The following ENOX1 variants were observed in gnomAD, a reference collection of about 807,000 sequenced individuals.
ENOX1 encodes the protein ecto-NOX disulfide-thiol exchanger 1, also known as candidate growth-related and time keeping constitutive hydroquinone (NADH) oxidase.
ENOX1 carries 42 observed loss-of-function variants against 82.5 expected under a neutral mutation model. The observed-to-expected ratio is 0.51, with a 90% CI of 0.40 to 0.66. The LOEUF (loss-of-function observed/expected upper bound fraction) is 0.66, where lower values mean the gene tolerates loss of function less well. Among genes scored for constraint, ENOX1 ranks in the 30% least tolerant of loss-of-function variants. The pLI is 0.00. For missense variants in ENOX1, 608 were observed against 811.6 expected (o/e 0.75, Z 3.05); for synonymous variants, 271 against 282.2 (o/e 0.96, Z 0.40).
At chr13:43,225,977 T>TGGTA (rs2042005716) in intron 15 of ENOX1, among the ~76,000 whole-genome samples, 1 of 152,196 alleles carries the variant, frequency 6.6e-6, no homozygotes, top group South Asian at 2.1e-4. Context: ...ATAATGGCAA[T>TGGTA]GGTAGAAGGC....
intron 1 of ENOX1, among the ~76,000 whole-genome samples, chr13:43,765,422 G>A (rs1023746785): frequency 1.3e-5 from 2 of 152,126 alleles, no homozygotes; most frequent in Admixed American, 1.3e-4. Flanking sequence ...CACCTGGAGA[G>A]CCCCTTGGAG....
chr13:43,641,590 C>T (rs1013148432), intron 2 of ENOX1, among the ~76,000 whole-genome samples: 6 of 114,316 alleles, frequency 5.2e-5, no homozygotes, highest in Non-Finnish European at 8.1e-5. Context: ...GGCTGGAGTG[C>T]AGTGGCGCCA....
At chr13:43,416,888 G>A (rs1298681422) in intron 3 of ENOX1, among the ~76,000 whole-genome samples, 3 of 152,182 alleles carry the variant, frequency 2.0e-5, no homozygotes, top group African/African-American at 2.4e-5. Flanking sequence ...GTAGCAAGCC[G>A]AGATCACGCC....
At chr13:43,420,184 G>C (rs1299172790) in intron 3 of ENOX1, among the ~76,000 whole-genome samples, 18 of 152,160 alleles carry the variant, frequency 1.2e-4, no homozygotes. Flanking sequence ...CGAGGTTATG[G>C]AAATGTTCCA....
chr13:43,280,766 C>T (rs906611187), intron 12 of ENOX1, among the ~76,000 whole-genome samples: 1 of 152,160 alleles, frequency 6.6e-6, no homozygotes, highest in Admixed American at 6.5e-5. Flanking sequence ...TACAAGTAAA[C>T]ATTTTTACAA....
chr13:43,706,702 G>C (rs1219995477), intron 1 of ENOX1, among the ~76,000 whole-genome samples: 2 of 67,826 alleles, frequency 2.9e-5, no homozygotes. Flanking sequence ...TTGAGCACAT[G>C]ATCAAGAAAG....
intron 1 of ENOX1, among the ~76,000 whole-genome samples, chr13:43,699,085 C>T (rs2086784107): frequency 6.6e-6 from 1 of 152,162 alleles, no homozygotes; most frequent in Non-Finnish European, 1.5e-5. Context: ...GGGACAAACA[C>T]TGCAAACCTT....
At chr13:43,589,056 T>C (rs2153723953) in intron 2 of ENOX1, among the ~76,000 whole-genome samples, 1 of 151,626 alleles carries the variant, frequency 6.6e-6, no homozygotes, top group South Asian at 2.1e-4. Context: ...ACAGCTAACT[T>C]ACAGATAAAC....
chr13:43,470,320 A>ATATATATG (rs2057967424), intron 3 of ENOX1, among the ~76,000 whole-genome samples: 10 of 43,520 alleles, frequency 2.3e-4, no homozygotes, highest in African/African-American at 4.8e-4. Context: ...ATATATACAC[A>ATATATATG]TATATATATG....
intron 5 of ENOX1, among the ~76,000 whole-genome samples, chr13:43,368,355 T>A (rs2050989149): frequency 6.6e-6 from 1 of 152,216 alleles, no homozygotes; most frequent in Non-Finnish European, 1.5e-5. Flanking sequence ...TGTGTCCATG[T>A]TTGAAAATAT....
intron 5 of ENOX1, among the ~76,000 whole-genome samples, chr13:43,386,692 T>A (rs1483286450): frequency 6.6e-6 from 1 of 152,212 alleles, no homozygotes; most frequent in Non-Finnish European, 1.5e-5. Flanking sequence ...GATATTAGAA[T>A]CTAAATGGTC....
intron 12 of ENOX1, among the ~76,000 whole-genome samples, chr13:43,281,338 A>G (rs1294364756): frequency 6.6e-6 from 1 of 152,200 alleles, no homozygotes; most frequent in African/African-American, 2.4e-5. Context: ...CATAGACTCC[A>G]AAGTGTAGAA....
chr13:43,224,244 G>T (rs562520151), intron 15 of ENOX1, 106 bp from the exon 16 acceptor site: 223 of 868,982 alleles, frequency 2.6e-4, no homozygotes, highest in African/African-American at 2.4e-3. Flanking sequence ...CTGAGTTATG[G>T]TCTTGCCATT....
intron 1 of ENOX1, among the ~76,000 whole-genome samples, chr13:43,735,310 C>A (rs2089566007): frequency 6.6e-6 from 1 of 152,094 alleles, no homozygotes; most frequent in African/African-American, 2.4e-5. Flanking sequence ...TTTAACAAAA[C>A]AATCATATAA....
intron 5 of ENOX1, among the ~76,000 whole-genome samples, chr13:43,382,791 T>C (rs1439625025): frequency 6.6e-6 from 1 of 152,154 alleles, no homozygotes; most frequent in Non-Finnish European, 1.5e-5. Flanking sequence ...TGTATGTCAA[T>C]TCATTAAAGC....
chr13:43,664,394 A>G (rs866337746), intron 2 of ENOX1, among the ~76,000 whole-genome samples: 5 of 152,228 alleles, frequency 3.3e-5, no homozygotes, highest in Admixed American at 1.3e-4. Context: ...TTAATAATAG[A>G]GAAGTGTTAG....
Position 43,415,754 on chromosome 13 carries a change from G to A in ENOX1, c.-74-2766C>T, listed in dbSNP as rs145384557. On this transcript the variant is annotated intron_variant, in intron 3 of 16. Coordinates refer to ENST00000690772, the MANE Select transcript of ENOX1 (RefSeq NM_001347969.2). The stretch of plus-strand genomic sequence containing the variant: ...TCATCATGGCCCATTCTCGATGGTC[G>A]CTATCTCTTCGGAGCTGTTGGGTAC... 1.5e-3 allele frequency among the ~76,000 whole-genome samples: 234 copies of A among 152,172 alleles called. 2 individuals carry two copies. In the East Asian group the frequency reaches 0.03, roughly 19 times the overall value.
At chr13:43,225,906 C>A (rs1039634510) in intron 15 of ENOX1, among the ~76,000 whole-genome samples, 1 of 152,172 alleles carries the variant, frequency 6.6e-6, no homozygotes, top group Admixed American at 6.5e-5. Flanking sequence ...ATACAAAGAA[C>A]TACCACTTCA....
chr13:43,311,363 GTTTTTT>G (rs35451999), intron 11 of ENOX1, among the ~76,000 whole-genome samples: 3 of 150,810 alleles, frequency 2.0e-5, no homozygotes, highest in Non-Finnish European at 4.4e-5. Flanking sequence ...AGGTAATAGG[GTTTTTT>G]TTTTTTCTTC....
Sources: gnomAD v4.1 joint callset for allele counts (sites outside exome capture counted in the v4.1 genomes callset) on GRCh38, gnomAD v4.1.1 for gene constraint, MANE v1.5 for transcripts, NCBI Gene and HGNC (gene_info 2026-07-23, HGNC 2026-07-21) for gene names.